Variants in COL28A1 observed in about 807,000 individuals in gnomAD.
The protein encoded by COL28A1 is collagen type XXVIII alpha 1 chain.
A neutral mutation model predicts 150.2 loss-of-function variants in COL28A1; 161 were observed. The ratio of observed to expected loss-of-function variants is 1.07; its 90% CI spans 0.94 to 1.22. COL28A1 has a LOEUF of 1.22. COL28A1 is among the 50% of genes most tolerant of loss of function. COL28A1 has a pLI of 0.00. For missense variants in COL28A1, 1,617 were observed against 1,388.3 expected, an observed-to-expected ratio of 1.16 and a Z score of -2.62; for synonymous variants, 552 against 469.7, an observed-to-expected ratio of 1.18 and a Z score of -2.26.
chr7:7,500,686 G>T (rs1238163041), intron 11 of COL28A1, among the ~76,000 whole-genome samples: 2 of 152,158 alleles, frequency 1.3e-5, no homozygotes, highest in Non-Finnish European at 2.9e-5. Context: ...AAGAAAACAG[G>T]ATGTTGTGTA....
chr7:7,368,298 C>T (rs1781041512), intron 33 of COL28A1, among the ~76,000 whole-genome samples: 1 of 152,122 alleles, frequency 6.6e-6, no homozygotes, highest in African/African-American at 2.4e-5. Flanking sequence ...GCTCTCATCA[C>T]TCTGCCACCC....
Position 7,373,606 on chromosome 7 carries a change from G to A in COL28A1, c.2360-60C>T, listed in dbSNP as rs1781357045. ...GAATGATTGACATCAGATTGTTGAG[G>A]GGAGGGGAGAAAAAGTCAATGATGA... On this transcript the variant is annotated intron_variant, in intron 31 of 34. Coordinates refer to ENST00000399429, the MANE Select transcript of COL28A1 (RefSeq NM_001037763.3). This position sits in a 1 kb window ranked among gnomAD's most constrained non-coding sequence, Gnocchi z 4.1. 1 of 1,421,122 alleles carries A rather than the reference G, an allele frequency of 7.0e-7. No homozygotes were observed. Among genetic ancestry groups the A allele is most frequent in the Admixed American group, 1.9e-5 (1 of 53,966 alleles). The allele number at this position is 1,421,122 out of a possible 1,614,324, so 88.0% of individuals were successfully genotyped here. A position where few individuals can be genotyped will look rare whatever the true frequency, so the allele number is the denominator to read the frequency against.
At chr7:7,518,836 T>G (rs924527421) in intron 6 of COL28A1, among the ~76,000 whole-genome samples, 1 of 152,182 alleles carries the variant, frequency 6.6e-6, no homozygotes, top group African/African-American at 2.4e-5. Flanking sequence ...TAAGTATCAC[T>G]ACTAAAGGAT....
intron 1 of COL28A1, among the ~76,000 whole-genome samples, chr7:7,533,839 C>T (rs934612960): frequency 1.3e-5 from 2 of 152,102 alleles, no homozygotes; most frequent in African/African-American, 2.4e-5. Context: ...AGAATGGGAA[C>T]GAGAAAGCTT....
chr7:7,384,275 C>A (rs1028761099), intron 27 of COL28A1, among the ~76,000 whole-genome samples: 1 of 152,126 alleles, frequency 6.6e-6, no homozygotes, highest in Non-Finnish European at 1.5e-5. Context: ...TGTCTTGGGC[C>A]CACCTAAGGA....
At chr7:7,419,985 A>AC in intron 25 of COL28A1, 32 bp from the exon 26 acceptor site, 1 of 1,459,092 alleles carries the variant, frequency 6.9e-7, no homozygotes, top group East Asian at 2.3e-5. Context: ...CAAGTTACTA[A>AC]TTTTTTAAAG....
At chr7:7,347,832 G>A in the COL28A1 span, among the ~76,000 whole-genome samples, 39 of 152,212 alleles carry the variant, frequency 2.6e-4, no homozygotes, top group African/African-American at 8.7e-4. Context: ...GAAACATAAG[G>A]TGTGGAGGGG....
At chr7:7,350,620 C>G in the COL28A1 span, among the ~76,000 whole-genome samples, 1 of 148,200 alleles carries the variant, frequency 6.7e-6, no homozygotes, top group African/African-American at 2.5e-5. Flanking sequence ...GTTTCATTTT[C>G]CAGCAGGGAG....
chr7:7,479,092 C>G (rs752377470), intron 13 of COL28A1, among the ~76,000 whole-genome samples: 6 of 152,250 alleles, frequency 3.9e-5, no homozygotes, highest in Non-Finnish European at 8.8e-5. Flanking sequence ...TGCCAGCACG[C>G]TGTCACCTCT....
chr7:7,443,831 T>C (rs1786007251), intron 19 of COL28A1, among the ~76,000 whole-genome samples, 178 bp from the exon 20 acceptor site: 1 of 152,228 alleles, frequency 6.6e-6, no homozygotes, highest in Non-Finnish European at 1.5e-5. Context: ...TAAAGTAACA[T>C]CAAACTCCAG....
intron 8 of COL28A1, among the ~76,000 whole-genome samples, chr7:7,513,174 G>C (rs1781239872): frequency 1.3e-5 from 2 of 152,178 alleles, no homozygotes; most frequent in East Asian, 3.8e-4. Flanking sequence ...TGGATGCAAA[G>C]TGTGTGCCAT....
intron 13 of COL28A1, among the ~76,000 whole-genome samples, chr7:7,489,146 T>G (rs1192863828): frequency 6.6e-6 from 1 of 152,066 alleles, no homozygotes; most frequent in Non-Finnish European, 1.5e-5. Context: ...TGACGTGCAC[T>G]TGTAGTCCCA....
chr7:7,491,381 T>A (rs1779905441), intron 11 of COL28A1, among the ~76,000 whole-genome samples: 1 of 152,192 alleles, frequency 6.6e-6, no homozygotes, highest in South Asian at 2.1e-4. Context: ...AACTGTCTTG[T>A]AACTATGAGG....
intron 15 of COL28A1, among the ~76,000 whole-genome samples, chr7:7,458,512 A>G (rs1049926859): frequency 6.6e-6 from 1 of 152,216 alleles, no homozygotes; most frequent in Non-Finnish European, 1.5e-5. Context: ...AACATTAAAT[A>G]TATAGAACCT....
chr7:7,354,394 G>T (rs1780301550), downstream of COL28A1, among the ~76,000 whole-genome samples: 1 of 152,268 alleles, frequency 6.6e-6, no homozygotes, highest in South Asian at 2.1e-4. Flanking sequence ...GTGCAGTAAA[G>T]AATTCAGGGC....
At chr7:7,513,969 A>G (rs1004119845) in intron 8 of COL28A1, among the ~76,000 whole-genome samples, 5 of 152,076 alleles carry the variant, frequency 3.3e-5, no homozygotes, top group South Asian at 2.1e-4. Flanking sequence ...CTCAGCCTCT[A>G]TTTTCTGATG....
At chr7:7,455,902 C>T (rs1316230962) in intron 16 of COL28A1, 142 bp downstream of exon 16, 3 of 1,085,332 alleles carry the variant, frequency 2.8e-6, no homozygotes, top group Non-Finnish European at 3.7e-6. Context: ...TTATCCTTCC[C>T]TATATTCACT....
At position 7,445,178 on chromosome 7, in the gene COL28A1, T is replaced by C. The variant is rs1006815281; in HGVS notation, c.1510-689A>G. On this transcript the variant is annotated intron_variant, in intron 18 of 34. Coordinates refer to ENST00000399429, the MANE Select transcript of COL28A1 (RefSeq NM_001037763.3). Reference sequence around the variant, plus strand: ...CAATTAAACCTATTTTCTTTATAAATTACCCAGTCTCAGGTAGTTATTTAA... The same window carrying C: ...CAATTAAACCTATTTTCTTTATAAACTACCCAGTCTCAGGTAGTTATTTAA... Among the ~76,000 whole-genome samples the C allele has an allele frequency of 2.6e-5, 4 of 152,294 alleles. No individual in the cohort carries two copies. In the East Asian group the frequency reaches 7.7e-4, roughly 29 times the overall value.
At chr7:7,350,693 T>C in the COL28A1 span, among the ~76,000 whole-genome samples, 1 of 144,856 alleles carries the variant, frequency 6.9e-6, no homozygotes, top group Non-Finnish European at 1.5e-5. Flanking sequence ...TGAAGGCAAG[T>C]CTCAGCAGTG....
Sources: allele counts gnomAD v4.1 joint callset (sites outside exome capture counted in the v4.1 genomes callset), GRCh38; gene constraint gnomAD v4.1.1; non-coding constraint Gnocchi (gnomAD v3.1); transcripts MANE v1.5; gene names NCBI Gene and HGNC (gene_info 2026-07-23, HGNC 2026-07-21).